The following PTCHD4 variants were observed in gnomAD, a reference collection of about 807,000 sequenced individuals.
PTCHD4 encodes patched domain containing 4.
In PTCHD4, 33 loss-of-function variants were observed where a neutral mutation model predicts 58.1. That is an observed-to-expected ratio of 0.57 (90% CI 0.43 to 0.76). PTCHD4 has a LOEUF of 0.76. Ranked by LOEUF, PTCHD4 falls within the 30% of genes least tolerant of loss-of-function variation. The probability of loss-of-function intolerance (pLI) is 0.00; values close to 1 mark genes in which losing one functional copy is unlikely to be tolerated. For missense variants in PTCHD4, 1,058 were observed against 1,027.1 expected (o/e 1.03, Z -0.41); for synonymous variants, 478 against 409.6 (o/e 1.17, Z -2.02).
chr6:48,051,832 AT>A (rs1308064382), intron 3 of PTCHD4, among the ~76,000 whole-genome samples: 2 of 152,020 alleles, frequency 1.3e-5, no homozygotes, highest in African/African-American at 4.8e-5. Context: ...AGTAAAGCCC[AT>A]TTTTTAAAAG....
chr6:48,027,038 A>T (rs1472995933), intron 3 of PTCHD4, among the ~76,000 whole-genome samples: 2 of 152,090 alleles, frequency 1.3e-5, no homozygotes, highest in South Asian at 4.1e-4. Context: ...AGTCATGGCT[A>T]AAATTTTTGA....
At position 47,864,453 on chromosome 6, in the gene PTCHD4, A is replaced by G. The variant is rs1030283937; in HGVS notation, c.*13850T>C. ...GTCTGGCACATAGAAGATGTTTAAAATTCTTCTTGAATGAAAGATTTGGAG... is the reference window on the plus strand; with the variant it reads ...GTCTGGCACATAGAAGATGTTTAAAGTTCTTCTTGAATGAAAGATTTGGAG... On this transcript the variant is annotated 3_prime_UTR_variant, in exon 5 of 5. Coordinates refer to ENST00000339488, the MANE Select transcript of PTCHD4 (RefSeq NM_001384253.1). Among the ~76,000 whole-genome samples, 1 of 151,886 alleles carries G rather than the reference A, an allele frequency of 6.6e-6. No individual in the cohort carries two copies. The highest frequency in any genetic ancestry group is 1.5e-5 in the Non-Finnish European group (1 of 67,890).
chr6:48,078,900 C>T, intron 1 of PTCHD4, among the ~76,000 whole-genome samples: 1 of 152,008 alleles, frequency 6.6e-6, no homozygotes, highest in Admixed American at 6.6e-5. Context: ...GGGCGGATCA[C>T]GAGGTTAGGA....
At chr6:48,048,123 G>A (rs1764106102) in intron 3 of PTCHD4, among the ~76,000 whole-genome samples, 1 of 151,206 alleles carries the variant, frequency 6.6e-6, no homozygotes, top group East Asian at 2.0e-4. Context: ...CACTGTTGAA[G>A]AAGCTGAGCA....
chr6:48,015,857 A>G (rs971522920), intron 3 of PTCHD4, among the ~76,000 whole-genome samples: 2 of 151,896 alleles, frequency 1.3e-5, no homozygotes, highest in East Asian at 1.9e-4. Context: ...AACATTCCAT[A>G]ATATTTATTA....
At chr6:48,084,164 T>C (rs192137905) in intron 1 of PTCHD4, among the ~76,000 whole-genome samples, 140 of 152,346 alleles carry the variant, frequency 9.2e-4, no homozygotes, top group African/African-American at 3.2e-3. Context: ...TGAAATTTCT[T>C]TCACACAGCT....
chr6:47,901,461 T>G, intron 4 of PTCHD4: 1 of 981,752 alleles, frequency 1.0e-6, no homozygotes, highest in Non-Finnish European at 1.2e-6. Context: ...CTTCATTTTA[T>G]TTATAAATTA....
intron 4 of PTCHD4, among the ~76,000 whole-genome samples, chr6:47,940,839 A>G (rs1039815883): frequency 6.6e-6 from 1 of 152,200 alleles, no homozygotes; most frequent in Admixed American, 6.5e-5. Flanking sequence ...AGAGGGAGCA[A>G]TAGGCCATCT....
At chr6:47,937,935 C>A (rs1766063457) in intron 4 of PTCHD4, among the ~76,000 whole-genome samples, 1 of 152,032 alleles carries the variant, frequency 6.6e-6, no homozygotes, top group Admixed American at 6.6e-5. Context: ...GGTGGATAAC[C>A]TGAGGTCAGG....
chr6:47,867,643 T>A lies in PTCHD4; in HGVS notation c.*10660A>T, dbSNP rs577272760. Among the ~76,000 whole-genome samples the A allele has an allele frequency of 1.5e-4, 23 of 151,862 alleles. No individual in the cohort carries two copies. The highest frequency in any genetic ancestry group is 5.1e-4 in the African/African-American group (21 of 41,510). Reference sequence around the variant, plus strand: ...GTTATAGCCTTCATCCTGGACAACCTGCTTTCCTGCCCTTGTATATTTCAC... The same window carrying A: ...GTTATAGCCTTCATCCTGGACAACCAGCTTTCCTGCCCTTGTATATTTCAC... On this transcript the variant is annotated 3_prime_UTR_variant, in exon 5 of 5. Coordinates refer to ENST00000339488, the MANE Select transcript of PTCHD4 (RefSeq NM_001384253.1).
chr6:47,983,602 G>T (rs1767962914), intron 4 of PTCHD4, among the ~76,000 whole-genome samples: 1 of 152,092 alleles, frequency 6.6e-6, no homozygotes, highest in Non-Finnish European at 1.5e-5. Context: ...CTCAGTCTTT[G>T]TGTGTAAAAG....
At chr6:47,936,043 G>A (rs1354340746) in intron 4 of PTCHD4, among the ~76,000 whole-genome samples, 1 of 152,112 alleles carries the variant, frequency 6.6e-6, no homozygotes, top group African/African-American at 2.4e-5. Context: ...TGAGTGAGAG[G>A]GAGAGCTTGT....
At chr6:47,891,512 T>A (rs192661136) in intron 4 of PTCHD4, among the ~76,000 whole-genome samples, 6 of 152,236 alleles carry the variant, frequency 3.9e-5, no homozygotes, top group Admixed American at 1.3e-4. Context: ...TCAAAAGTGG[T>A]AGTGGTAATT....
intron 4 of PTCHD4, among the ~76,000 whole-genome samples, chr6:47,914,423 A>C (rs1349558062): frequency 6.6e-6 from 1 of 152,076 alleles, no homozygotes; most frequent in African/African-American, 2.4e-5. Context: ...AGAGTAGAAC[A>C]AAAGGCAAAG....
intron 4 of PTCHD4, among the ~76,000 whole-genome samples, chr6:47,925,432 A>G (rs1765577000): frequency 6.6e-6 from 1 of 152,166 alleles, no homozygotes; most frequent in African/African-American, 2.4e-5. Context: ...AGAGTTACAC[A>G]TCTCACTGGC....
intron 3 of PTCHD4, among the ~76,000 whole-genome samples, chr6:48,038,413 G>A (rs1473531736): frequency 6.6e-6 from 1 of 151,796 alleles, no homozygotes; most frequent in Non-Finnish European, 1.5e-5. Flanking sequence ...AGGCCGAGGC[G>A]GGCAGATCAC....
Position 47,879,398 on chromosome 6 carries a change from G to T in PTCHD4, c.1437C>A (p.Cys479Ter). 6.2e-7 allele frequency: 1 copy of T among 1,613,668 alleles called. No individual in the cohort carries two copies. The highest frequency in any genetic ancestry group is 8.5e-7 in the Non-Finnish European group (1 of 1,179,772). The change falls in exon 5 of 5, where the codon TGC (cysteine) becomes TGA (stop). Residue 479 changes from cysteine to a stop codon, truncating the protein, a stop_gained. Coordinates refer to ENST00000339488, the MANE Select transcript of PTCHD4 (RefSeq NM_001384253.1). LOFTEE classifies it high-confidence loss of function. The stretch of plus-strand genomic sequence containing the variant: ...TGTTGGCTCCGTCACTGATCTGTAA[G>T]CACCCCATGAAGGAGAAGGAGGCAT... Reference protein sequence around the residue: ...LIYASFSFMGCLQISDGANII... With the variant: ...LIYASFSFMG
intron 3 of PTCHD4, among the ~76,000 whole-genome samples, chr6:48,015,632 A>G (rs1165624297): frequency 3.9e-5 from 6 of 151,958 alleles, no homozygotes; most frequent in Non-Finnish European, 8.8e-5. Context: ...TATTTGACCC[A>G]CAAGACCTAA....
rs1213824150 is a variant in PTCHD4 at position 47,878,946 on chromosome 6, G to A, written c.1889C>T (p.Ser630Phe). Residue 630 changes from serine (S) to phenylalanine (F), a missense_variant, in exon 5 of 5, where the codon TCC (serine) becomes TTC (phenylalanine). Transcript: ENST00000339488. ...GATGAATCGGATGCTCTTTGAGAGGGATAGGGGCCTCAGCTTTTCCAACAC... is the reference window on the plus strand; with the variant it reads ...GATGAATCGGATGCTCTTTGAGAGGAATAGGGGCCTCAGCTTTTCCAACAC... ...TEVLEKLRPLSLSKSIRFIVF... is the reference protein window; with the variant it reads ...TEVLEKLRPLFLSKSIRFIVF... 1.2e-6 allele frequency: 2 copies of A among 1,612,978 alleles called. No homozygotes were observed. Among genetic ancestry groups the A allele is most frequent in the Non-Finnish European group, 8.5e-7 (1 of 1,179,780 alleles).
Sources: gnomAD v4.1 joint callset for allele counts (sites outside exome capture counted in the v4.1 genomes callset) on GRCh38, gnomAD v4.1.1 for gene constraint, MANE v1.5 for transcripts, NCBI Gene and HGNC (gene_info 2026-07-23, HGNC 2026-07-21) for gene names.